SLC2A1: variants seen among roughly 807,000 people sequenced by gnomAD.
The protein encoded by SLC2A1 is solute carrier family 2, facilitated glucose transporter member 1.
SLC2A1 carries 4 observed loss-of-function variants against 46.6 expected under a neutral mutation model. The ratio of observed to expected loss-of-function variants is 0.09; its 90% CI spans 0.04 to 0.20. The LOEUF (loss-of-function observed/expected upper bound fraction) is 0.20. Ranked by LOEUF, SLC2A1 falls within the 10% of genes least tolerant of loss-of-function variation. SLC2A1 has a pLI of 1.00. For synonymous variants in SLC2A1, 253 were observed against 270.0 expected (o/e 0.94, Z 0.62); for missense variants, 352 against 667.0 (o/e 0.53, Z 5.20).
chr1:42,953,070 T>C (rs1643738566), intron 1 of SLC2A1, among the ~76,000 whole-genome samples: 1 of 152,150 alleles, frequency 6.6e-6, no homozygotes, highest in South Asian at 2.1e-4. Context: ...AGCCGTTTCC[T>C]CCCCACTCCC....
chr1:42,958,564 G>A, intron 1 of SLC2A1, 70 bp downstream of exon 1: 11 of 1,378,718 alleles, frequency 8.0e-6, no homozygotes, highest in Non-Finnish European at 1.0e-5. Flanking sequence ...GGGAGGCCCT[G>A]GCCGGCGTAA....
rs574211861 is a variant in SLC2A1 at position 42,929,663 on chromosome 1, G to C, written c.797C>G (p.Pro266Arg). The C allele has an allele frequency of 4.3e-6, 7 of 1,613,736 alleles. No homozygotes were observed. In the South Asian group the frequency reaches 6.6e-5, roughly 15 times the overall value. Residue 266 changes from proline (P) to arginine (R), a missense_variant, in exon 6 of 10, where the codon CCC (proline) becomes CGC (arginine). Around this residue, in one of 5 missense-constraint regions of SLC2A1, gnomAD observed 167 missense variants for 280.8 expected, o/e 0.59. Transcript: ENST00000426263. This position sits in a 1 kb window ranked among gnomAD's most constrained non-coding sequence, Gnocchi z 6.0. ...GATGAGGATGGGCTGGCGGTAGGCG[G>C]GGGAGCGGAACAGCTCCAGGATGGT... ...KVTILELFRS[P>R]AYRQPILIAV...
chr1:42,954,580 C>T lies in SLC2A1; in HGVS notation c.18+4054G>A, dbSNP rs915295458. ...AACGCCTCAAATCTTTTGTGATAGC[C>T]TTATCTCGGACAAATCTCTTCCCTT... On this transcript the variant is annotated intron_variant, in intron 1 of 9. Transcript: ENST00000426263. The surrounding 1 kb of genome is among the most constrained non-coding windows in gnomAD (Gnocchi z 4.2). 6.6e-6 allele frequency among the ~76,000 whole-genome samples: 1 copy of T among 152,152 alleles called. No individual in the cohort carries two copies. Among genetic ancestry groups the T allele is most frequent in the African/African-American group, 2.4e-5 (1 of 41,426 alleles).
chr1:42,940,814 T>A (rs1409053390), intron 2 of SLC2A1, among the ~76,000 whole-genome samples: 1 of 152,064 alleles, frequency 6.6e-6, no homozygotes, highest in Non-Finnish European at 1.5e-5. Flanking sequence ...TGGATACCAG[T>A]GACTAATTCT....
At position 42,925,417 on chromosome 1, in the gene SLC2A1, G is replaced by C. The variant is rs1643414942; in HGVS notation, c.*1624C>G. ...TTTTATTTCCTCCAGTATTTTCTGA[G>C]TGCCTGCTGTGCATCAAGCACTGTA... On this transcript the variant is annotated 3_prime_UTR_variant, in exon 10 of 10. Transcript: ENST00000426263. The C allele has an allele frequency of 6.6e-6, 1 of 152,200 alleles. No individual in the cohort carries two copies. The highest frequency in any genetic ancestry group is 2.4e-5 in the African/African-American group (1 of 41,438). The allele number at this position is 152,200 out of a possible 1,614,324, so 9.4% of individuals were successfully genotyped here.
At position 42,925,879 on chromosome 1, in the gene SLC2A1, G is replaced by A. The variant is rs1643420233; in HGVS notation, c.*1162C>T. 1.3e-5 allele frequency: 2 copies of A among 152,328 alleles called. No homozygotes were observed. The highest frequency in any genetic ancestry group is 4.1e-4 in the South Asian group (2 of 4,830). 9.4% of individuals were successfully genotyped at this position (152,328 alleles called of 1,614,324 possible). A position where few individuals can be genotyped will look rare whatever the true frequency, so the allele number is the denominator to read the frequency against. Reference sequence around the variant, plus strand: ...ATTCAAAATAATGCATTTCAAGCCTGAGCATCACGGCTGGCACAAAACTAG... The same window carrying A: ...ATTCAAAATAATGCATTTCAAGCCTAAGCATCACGGCTGGCACAAAACTAG... On this transcript the variant is annotated 3_prime_UTR_variant, in exon 10 of 10. Coordinates refer to ENST00000426263, the MANE Select transcript of SLC2A1 (RefSeq NM_006516.4).
At chr1:42,928,624 T>C (rs1482276698) in intron 8 of SLC2A1, among the ~76,000 whole-genome samples, 1 of 152,134 alleles carries the variant, frequency 6.6e-6, no homozygotes, top group Non-Finnish European at 1.5e-5. Context: ...TGAAGATGAA[T>C]TGAGGCTACA....
intron 1 of SLC2A1, among the ~76,000 whole-genome samples, chr1:42,947,638 C>T (rs994171757): frequency 4.7e-5 from 7 of 148,386 alleles, no homozygotes; most frequent in African/African-American, 1.7e-4. Flanking sequence ...ATCTGTATCA[C>T]CTGAGCCTGG....
intron 1 of SLC2A1, among the ~76,000 whole-genome samples, chr1:42,943,997 A>G (rs934231844): frequency 1.3e-5 from 2 of 152,182 alleles, no homozygotes; most frequent in Admixed American, 6.5e-5. Context: ...ATCACTCAGG[A>G]GCCTGCAGCA....
chr1:42,934,438 C>T (rs934553804), intron 2 of SLC2A1, among the ~76,000 whole-genome samples: 2 of 152,148 alleles, frequency 1.3e-5, no homozygotes, highest in African/African-American at 4.8e-5. Flanking sequence ...TGGGAAGAAG[C>T]CACGCCTGGT....
At chr1:42,952,029 A>G (rs1242793786) in intron 1 of SLC2A1, 7 of 426,310 alleles carry the variant, frequency 1.6e-5, no homozygotes, top group Admixed American at 1.3e-4. Context: ...AGGATGGGTG[A>G]TGAGGGGGCC....
intron 2 of SLC2A1, chr1:42,942,922 TG>T: frequency 2.2e-6 from 1 of 445,562 alleles, no homozygotes; most frequent in Non-Finnish European, 4.2e-6. Flanking sequence ...AGCTTTGCTT[TG>T]AGTTTATTAT....
At chr1:42,958,556 G>A in intron 1 of SLC2A1, 78 bp downstream of exon 1, 1 of 1,273,960 alleles carries the variant, frequency 7.8e-7, no homozygotes, top group Non-Finnish European at 1.0e-6. Flanking sequence ...GGCGGCGGGG[G>A]AGGCCCTGGC....
intron 1 of SLC2A1, among the ~76,000 whole-genome samples, chr1:42,956,426 A>C (rs974657649): frequency 2.2e-5 from 2 of 89,080 alleles, no homozygotes. Flanking sequence ...AAAAAAAAAA[A>C]AAAAAAACAT....
rs145543518 is a variant in SLC2A1, at chr1:42,942,814, T to G, written c.114+412A>C. On this transcript the variant is annotated intron_variant, in intron 2 of 9. Transcript: ENST00000426263. ...CCTGCAGGCTGGGAGTGGTGCCTGCTGCCTCCTGACAGTGCTGCAGTGAGC... is the reference window on the plus strand; with the variant it reads ...CCTGCAGGCTGGGAGTGGTGCCTGCGGCCTCCTGACAGTGCTGCAGTGAGC... 3.6e-4 allele frequency among the ~76,000 whole-genome samples: 54 copies of G among 152,106 alleles called. 1 individual carries two copies. The East Asian group carries it at 0.01, about 29-fold the overall frequency.
chr1:42,951,737 G>T, intron 1 of SLC2A1: 1 of 394,726 alleles, frequency 2.5e-6, no homozygotes, highest in Non-Finnish European at 4.4e-6. Flanking sequence ...TGGATGCCAG[G>T]ACCTGGTAGG....
chr1:42,941,983 A>G (rs1643603437), intron 2 of SLC2A1, among the ~76,000 whole-genome samples: 1 of 152,240 alleles, frequency 6.6e-6, no homozygotes, highest in Non-Finnish European at 1.5e-5. Context: ...GCGTGGCCCC[A>G]TAGCCACTGT....
In SLC2A1 at chr1:42,928,941, T is replaced by C. The variant is rs2228490; in HGVS notation, c.1065A>G (p.Leu355=). ...AGCAILMTIA[L]ALLEQLPWMS... ...GAACCTAGCAACTCACCAGCAGTGC[T>C]AGCGCGATGGTCATGAGTATGGCAC... Residue 355 remains leucine (L), a synonymous_variant, in exon 8 of 10, where the codon CTA becomes CTG. Transcript: ENST00000426263. 14,436 of 1,613,708 alleles carry C rather than the reference T, an allele frequency of 8.9e-3. 879 individuals are homozygous for C. In the African/African-American group the frequency reaches 0.14, roughly 16 times the overall value.
chr1:42,952,586 C>T (rs555393771), intron 1 of SLC2A1: 2 of 319,478 alleles, frequency 6.3e-6, no homozygotes, highest in East Asian at 1.8e-4. Context: ...GGGATGGAGG[C>T]AAGGCGAGCC....
Sources: allele counts gnomAD v4.1 joint callset (sites outside exome capture counted in the v4.1 genomes callset), GRCh38; gene constraint gnomAD v4.1.1; regional missense constraint gnomAD v4.1.1; non-coding constraint Gnocchi (gnomAD v3.1); transcripts MANE v1.5; gene names NCBI Gene and HGNC (gene_info 2026-07-23, HGNC 2026-07-21).